Variants in PPM1L observed in about 807,000 individuals in gnomAD.
PPM1L encodes the protein protein phosphatase 1L.
Under a neutral mutation model 31.4 loss-of-function variants are expected in PPM1L, and 13 were observed. The ratio of observed to expected loss-of-function variants is 0.41; its 90% confidence interval spans 0.27 to 0.66. The LOEUF is 0.66. Ranked by LOEUF, PPM1L falls within the 30% of genes least tolerant of loss-of-function variation. The pLI, the probability that PPM1L is intolerant of heterozygous loss-of-function variation, is 0.29. For missense variants in PPM1L, 326 were observed against 453.7 expected (o/e 0.72, Z 2.56); for synonymous variants, 184 against 175.4 (o/e 1.05, Z -0.39).
At chr3:160,795,914 C>T (rs1712234288) in intron 1 of PPM1L, among the ~76,000 whole-genome samples, 1 of 152,176 alleles carries the variant, frequency 6.6e-6, no homozygotes, top group Admixed American at 6.5e-5. Context: ...CAAACCAGTG[C>T]TCAGTGCTAC....
intron 2 of PPM1L, among the ~76,000 whole-genome samples, chr3:161,061,604 A>AATATAAC (rs1483883110): frequency 6.6e-6 from 1 of 152,212 alleles, no homozygotes. Flanking sequence ...ATTAAAAAAC[A>AATATAAC]ATATAACAAC....
chr3:161,018,397 T>C lies in PPM1L; in HGVS notation c.575-47006T>C, dbSNP rs1022087558. Among the ~76,000 whole-genome samples, 7 of 152,376 alleles carry C rather than the reference T, an allele frequency of 4.6e-5. No homozygotes were observed. In the East Asian group the frequency reaches 1.3e-3, roughly 29 times the overall value. The stretch of plus-strand genomic sequence containing the variant: ...AATAATATCAAATGGTTTTCATATG[T>C]TCTCTCTTCTTTCTATGAACATGAA... On this transcript the variant is annotated intron_variant, in intron 2 of 3. Transcript: ENST00000498165.
At chr3:160,983,051 C>A (rs973834753) in intron 2 of PPM1L, among the ~76,000 whole-genome samples, 4 of 152,130 alleles carry the variant, frequency 2.6e-5, no homozygotes, top group Non-Finnish European at 5.9e-5. Context: ...TTGGGAAAAC[C>A]AAAATGCCTT....
chr3:160,848,159 A>G lies in PPM1L; in HGVS notation c.399+91452A>G, dbSNP rs977578056. Among the ~76,000 whole-genome samples the G allele has an allele frequency of 4.6e-5, 7 of 152,364 alleles. No homozygotes were observed. In the East Asian group the frequency reaches 1.4e-3, roughly 29 times the overall value. ...TAATAAATGTATTCTGGAATTAATGAATAAATTCTGAATGATAATAATTTG... is the reference window on the plus strand; with the variant it reads ...TAATAAATGTATTCTGGAATTAATGGATAAATTCTGAATGATAATAATTTG... On this transcript the variant is annotated intron_variant, in intron 1 of 3. Transcript: ENST00000498165.
At chr3:160,824,541 C>T (rs1407025642) in intron 1 of PPM1L, among the ~76,000 whole-genome samples, 1 of 152,110 alleles carries the variant, frequency 6.6e-6, no homozygotes. Flanking sequence ...TTGCTCATTC[C>T]GTGGCCTAAG....
intron 2 of PPM1L, among the ~76,000 whole-genome samples, chr3:161,048,032 G>A (rs1719139852): frequency 1.3e-5 from 2 of 152,160 alleles, no homozygotes; most frequent in South Asian, 4.1e-4. Flanking sequence ...CATGGGCAAG[G>A]ACTTCATGAC....
chr3:160,757,308 G>A (rs1378792155), intron 1 of PPM1L, among the ~76,000 whole-genome samples: 1 of 152,230 alleles, frequency 6.6e-6, no homozygotes, highest in East Asian at 1.9e-4. Flanking sequence ...GGAGCGCCTC[G>A]CTGGCCGCTT....
chr3:161,052,366 G>A (rs138118486), intron 2 of PPM1L, among the ~76,000 whole-genome samples: 1 of 152,176 alleles, frequency 6.6e-6, no homozygotes, highest in Non-Finnish European at 1.5e-5. Context: ...TTATCAGGGA[G>A]AGCAGGAAGA....
At chr3:161,041,238 TC>T (rs1269695482) in intron 2 of PPM1L, among the ~76,000 whole-genome samples, 3 of 152,138 alleles carry the variant, frequency 2.0e-5, no homozygotes, top group Non-Finnish European at 4.4e-5. Context: ...TGGAGATGCC[TC>T]CCCCCACTGG....
intron 2 of PPM1L, among the ~76,000 whole-genome samples, chr3:160,982,216 G>A (rs73019384): frequency 0.047 from 7,224 of 152,198 alleles, 430 homozygotes; most frequent in African/African-American, 0.12. Context: ...CAGGGTCAAT[G>A]CCTTTGATGT....
chr3:160,977,301 A>G (rs561488455), intron 2 of PPM1L, among the ~76,000 whole-genome samples: 45 of 152,242 alleles, frequency 3.0e-4, no homozygotes, highest in African/African-American at 1.1e-3. Context: ...TCTTTAATCA[A>G]TCCTAGGGAA....
chr3:160,856,435 A>G (rs1711707303), intron 1 of PPM1L, among the ~76,000 whole-genome samples: 1 of 152,224 alleles, frequency 6.6e-6, no homozygotes. Context: ...ACTGGATAAA[A>G]AAATTGTGGT....
rs762293041 is a variant in PPM1L, at chr3:160,756,332, G to T, written c.24G>T (p.Leu8Phe). Residue 8 changes from leucine (L) to phenylalanine (F), a missense_variant, in exon 1 of 4, where the codon TTG (leucine) becomes TTT (phenylalanine). Physicochemically the swap from Leu to Phe is conservative, Grantham distance 22. Transcript: ENST00000498165. The surrounding 1 kb of genome is among the most constrained non-coding windows in gnomAD (Gnocchi z 6.2). MIEDTMT[L>F]LSLLGRIMRY... ...AAATGATAGAGGATACAATGACTTT[G>T]CTGTCTCTGCTGGGTCGCATCATGC... 1 of 1,613,814 alleles carries T rather than the reference G, an allele frequency of 6.2e-7. No homozygotes were observed. The highest frequency in any genetic ancestry group is 8.5e-7 in the Non-Finnish European group (1 of 1,179,738).
At chr3:161,058,118 C>T (rs867599535) in intron 2 of PPM1L, among the ~76,000 whole-genome samples, 32 of 54,922 alleles carry the variant, frequency 5.8e-4, no homozygotes, top group Middle Eastern at 0.033. Flanking sequence ...ATTTTCTTTC[C>T]TTTTTTTTTT....
intron 1 of PPM1L, among the ~76,000 whole-genome samples, chr3:160,909,757 G>A (rs758540535): frequency 1.3e-5 from 2 of 152,210 alleles, no homozygotes; most frequent in Non-Finnish European, 2.9e-5. Context: ...AAGCCAAGGA[G>A]TCGGGGAGTT....
intron 1 of PPM1L, among the ~76,000 whole-genome samples, chr3:160,927,752 T>G (rs1714652886): frequency 6.6e-6 from 1 of 152,228 alleles, no homozygotes; most frequent in Non-Finnish European, 1.5e-5. Context: ...TAATGGCTAC[T>G]TTTAAGCAGT....
At chr3:161,043,801 C>G (rs981054689) in intron 2 of PPM1L, among the ~76,000 whole-genome samples, 1 of 152,128 alleles carries the variant, frequency 6.6e-6, no homozygotes, top group Non-Finnish European at 1.5e-5. Context: ...ACCCTAAGAG[C>G]CCTTTCAGCA....
At position 161,073,512 on chromosome 3, in the gene PPM1L, A is replaced by G. The variant is rs1380805409; in HGVS notation, c.*4355A>G. The G allele has an allele frequency of 1.3e-5, 2 of 152,170 alleles. No homozygotes were observed. Among genetic ancestry groups the G allele is most frequent in the Non-Finnish European group, 2.9e-5 (2 of 68,036 alleles). 9.4% of individuals were successfully genotyped at this position (152,170 alleles called of 1,614,324 possible). ...AGTAGTATGACTTAATATGACCAAC[A>G]GCAGCCTCATATTGATAGCAGAACA... On this transcript the variant is annotated 3_prime_UTR_variant, in exon 4 of 4. Coordinates refer to ENST00000498165, the MANE Select transcript of PPM1L (RefSeq NM_139245.4).
intron 1 of PPM1L, among the ~76,000 whole-genome samples, chr3:160,897,401 C>T (rs1386865828): frequency 6.6e-6 from 1 of 152,172 alleles, no homozygotes; most frequent in Admixed American, 6.5e-5. Flanking sequence ...ATGTCTCTAA[C>T]TAGGTGGTCC....
Sources: gnomAD v4.1 joint callset for allele counts (sites outside exome capture counted in the v4.1 genomes callset) on GRCh38, gnomAD v4.1.1 for gene constraint, Gnocchi (gnomAD v3.1) non-coding constraint, MANE v1.5 for transcripts, NCBI Gene and HGNC (gene_info 2026-07-23, HGNC 2026-07-21) for gene names.